SLC28A1: variants seen among roughly 807,000 people sequenced by gnomAD.
SLC28A1 encodes solute carrier family 28 member 1.
A neutral mutation model predicts 74.8 loss-of-function variants in SLC28A1; 64 were observed. The observed-to-expected ratio is 0.86, with a 90% confidence interval of 0.70 to 1.05. SLC28A1 has a LOEUF of 1.05. SLC28A1 is among the 50% of genes least tolerant of loss of function. The pLI is 0.00. For synonymous variants in SLC28A1, 359 were observed against 335.0 expected, an observed-to-expected ratio of 1.07 and a Z score of -0.78; for missense variants, 828 against 822.8, an observed-to-expected ratio of 1.01 and a Z score of -0.08.
chr15:84,919,565 G>A (rs1489368938), intron 10 of SLC28A1, among the ~76,000 whole-genome samples: 1 of 152,176 alleles, frequency 6.6e-6, no homozygotes, highest in Non-Finnish European at 1.5e-5. Context: ...GGGCCTTCTT[G>A]CTGTGTCATA....
chr15:84,899,951 G>A (rs1966447401), intron 6 of SLC28A1, among the ~76,000 whole-genome samples: 1 of 134,662 alleles, frequency 7.4e-6, no homozygotes, highest in Admixed American at 7.9e-5. Flanking sequence ...AAGGAAGGAA[G>A]GAAGGAAGGA....
At chr15:84,896,232 G>A (rs1965981609) in intron 6 of SLC28A1, among the ~76,000 whole-genome samples, 1 of 152,210 alleles carries the variant, frequency 6.6e-6, no homozygotes, top group Admixed American at 6.5e-5. Flanking sequence ...CAAATCATAT[G>A]TCTGCATAAA....
chr15:84,923,110 G>T (rs1970042894), intron 11 of SLC28A1, among the ~76,000 whole-genome samples: 1 of 152,128 alleles, frequency 6.6e-6, no homozygotes, highest in South Asian at 2.1e-4. Context: ...GCTAATTTTT[G>T]TATTTTTAGT....
At chr15:84,912,001 G>A (rs544999441) in intron 9 of SLC28A1, among the ~76,000 whole-genome samples, 2 of 152,230 alleles carry the variant, frequency 1.3e-5, no homozygotes, top group South Asian at 4.2e-4. Context: ...ATTTCCCAGC[G>A]AAACACCAGC....
At chr15:84,887,506 A>G in intron 2 of SLC28A1, 1 of 983,396 alleles carries the variant, frequency 1.0e-6, no homozygotes, top group Non-Finnish European at 1.2e-6. Context: ...CAACACAGGG[A>G]GACCCAGTCT....
rs35383548 is a variant in SLC28A1, at chr15:84,926,364, AT to A, written c.1083+2272del. Reference sequence around the variant, plus strand: ...CATACGTGCGCCACCACCCCTGGCTATTTTTTTTTTTTTTTTTTGGTAGAGA... The same window carrying A: ...CATACGTGCGCCACCACCCCTGGCTATTTTTTTTTTTTTTTTTGGTAGAGA... On this transcript the variant is annotated intron_variant, in intron 12 of 18. Transcript: ENST00000394573. Among the ~76,000 whole-genome samples the A allele has an allele frequency of 4.6e-3, 601 of 130,344 alleles. 4 individuals are homozygous for A. The highest frequency in any genetic ancestry group is 0.014 in the African/African-American group (501 of 35,104). 85.5% of individuals were successfully genotyped at this position (130,344 alleles called of 152,430 possible).
At chr15:84,960,228 CTTTTTTTTTTTTTTT>C in the SLC28A1 span, among the ~76,000 whole-genome samples, 1 of 85,586 alleles carries the variant, frequency 1.2e-5, no homozygotes, top group Admixed American at 1.3e-4. Context: ...TGCCTGCCTG[CTTTTTTTTTTTTTTT>C]TTTTTTTTTT....
chr15:84,911,731 C>T (rs1226957787), intron 9 of SLC28A1, among the ~76,000 whole-genome samples: 2 of 151,698 alleles, frequency 1.3e-5, no homozygotes, highest in Admixed American at 1.3e-4. Flanking sequence ...TGGTGGCGGG[C>T]GCTTGTAATT....
chr15:84,915,781 C>T (rs1250729741), intron 9 of SLC28A1, among the ~76,000 whole-genome samples: 2 of 152,128 alleles, frequency 1.3e-5, no homozygotes, highest in Admixed American at 6.6e-5. Flanking sequence ...GTCCTCCAGC[C>T]CTTGGCTATT....
Position 84,945,166 on chromosome 15 carries a change from G to A in SLC28A1, c.1916G>A (p.Cys639Tyr), listed in dbSNP as rs755905175. The A allele has an allele frequency of 6.2e-7, 1 of 1,614,130 alleles. No homozygotes were observed. The highest frequency in any genetic ancestry group is 1.1e-5 in the South Asian group (1 of 91,088). The change falls in exon 19 of 19, where the codon TGT becomes TAT. Residue 639 changes from cysteine (C) to tyrosine (Y), a missense_variant. Cys to Tyr is a radical substitution (Grantham distance 194, BLOSUM62 -2). Around this residue, in one of 3 missense-constraint regions of SLC28A1, gnomAD observed 53 missense variants for 44.5 expected, o/e 1.19. Transcript: ENST00000394573. ...EFSPEALDNC[C>Y]RFYNHTICAQ ...AGCCCAGAGGCCCTGGACAACTGCT[G>A]TCGGTTTTACAACCACACGATCTGT... is the stretch of plus-strand genomic sequence containing the variant.
At chr15:84,900,281 G>GATCA (rs927596419) in intron 6 of SLC28A1, among the ~76,000 whole-genome samples, 3 of 91,776 alleles carry the variant, frequency 3.3e-5, no homozygotes, top group African/African-American at 5.9e-5. Context: ...AGTGAGCCGA[G>GATCA]ATCACGCCAC....
chr15:84,958,430 G>GA, the SLC28A1 span, among the ~76,000 whole-genome samples: 9 of 152,186 alleles, frequency 5.9e-5, no homozygotes, highest in African/African-American at 2.2e-4. Context: ...GTATACACAA[G>GA]AGATCAAATT....
intron 6 of SLC28A1, among the ~76,000 whole-genome samples, chr15:84,896,638 C>G (rs949288987): frequency 6.6e-6 from 1 of 152,076 alleles, no homozygotes; most frequent in Non-Finnish European, 1.5e-5. Context: ...ATGGCGAAAC[C>G]CTGTCTCTAC....
At chr15:84,925,428 A>T (rs1016726913) in intron 12 of SLC28A1, among the ~76,000 whole-genome samples, 3 of 151,954 alleles carry the variant, frequency 2.0e-5, no homozygotes, top group African/African-American at 7.3e-5. Flanking sequence ...GTGAAATCTC[A>T]TCTCTACTAA....
Position 84,918,403 on chromosome 15 carries a change from T to A in SLC28A1, c.796-121T>A, listed in dbSNP as rs894058054. Reference sequence around the variant, plus strand: ...TCTCAGAGCATCTTCCCGGATCCTGTCAGGCATCTGAGTGGCAAGGCCTGG... The same window carrying A: ...TCTCAGAGCATCTTCCCGGATCCTGACAGGCATCTGAGTGGCAAGGCCTGG... On this transcript the variant is annotated intron_variant, in intron 9 of 18. Coordinates refer to ENST00000394573, the MANE Select transcript of SLC28A1 (RefSeq NM_004213.5). The A allele has an allele frequency of 1.9e-4, 145 of 782,292 alleles. 1 individual carries two copies. The highest frequency in any genetic ancestry group is 4.2e-5 in the Non-Finnish European group (18 of 429,904). The allele number at this position is 782,292 out of a possible 1,614,324, so 48.5% of individuals were successfully genotyped here.
chr15:84,968,127 A>G, the SLC28A1 span, among the ~76,000 whole-genome samples: 1 of 152,104 alleles, frequency 6.6e-6, no homozygotes, highest in African/African-American at 2.4e-5. Flanking sequence ...TCTCTCCCAA[A>G]CTCATCTGGC....
At chr15:84,923,395 G>A (rs192084036) in intron 11 of SLC28A1, among the ~76,000 whole-genome samples, 57 of 151,330 alleles carry the variant, frequency 3.8e-4, no homozygotes, top group African/African-American at 1.4e-3. Flanking sequence ...CCCTATGAAG[G>A]CAGGGACTTT....
rs571461700 is a variant in SLC28A1, at chr15:84,908,527, G to A, written c.718-191G>A. On this transcript the variant is annotated intron_variant, in intron 8 of 18. Coordinates refer to ENST00000394573, the MANE Select transcript of SLC28A1 (RefSeq NM_004213.5). ...AATTGACCAAAAAGGTGTCTCTTTG[G>A]CAAATATGCTTAGGAGTGAGTGCCC... Among the ~76,000 whole-genome samples, 10 of 152,126 alleles carry A rather than the reference G, an allele frequency of 6.6e-5. No individual in the cohort carries two copies. The South Asian group carries it at 2.1e-3, about 32-fold the overall frequency.
chr15:84,892,711 T>A (rs1239455129), intron 5 of SLC28A1, among the ~76,000 whole-genome samples: 1 of 152,188 alleles, frequency 6.6e-6, no homozygotes, highest in African/African-American at 2.4e-5. Context: ...ATAGCTGTGA[T>A]AGAGAAATGA....
Sources: gnomAD v4.1 joint callset for allele counts (sites outside exome capture counted in the v4.1 genomes callset) on GRCh38, gnomAD v4.1.1 for gene constraint, gnomAD v4.1.1 regional missense constraint, MANE v1.5 for transcripts, NCBI Gene and HGNC (gene_info 2026-07-23, HGNC 2026-07-21) for gene names.